HERC4: variants seen among roughly 807,000 people sequenced by gnomAD.
The protein encoded by HERC4 is probable E3 ubiquitin-protein ligase HERC4.
A neutral mutation model predicts 124.3 loss-of-function variants in HERC4; 28 were observed. That is an observed-to-expected ratio of 0.23 (90% CI 0.17 to 0.31). The LOEUF (loss-of-function observed/expected upper bound fraction) is 0.31, where lower values mean the gene tolerates loss of function less well. Ranked by LOEUF, HERC4 falls within the 10% of genes least tolerant of loss-of-function variation. The pLI is 1.00. For synonymous variants in HERC4, 407 were observed against 421.5 expected, an observed-to-expected ratio of 0.97 and a Z score of 0.42; for missense variants, 713 against 1,229.3, an observed-to-expected ratio of 0.58 and a Z score of 6.28.
At chr10:68,007,097 C>T (rs574396560) in intron 9 of HERC4, among the ~76,000 whole-genome samples, 11 of 152,136 alleles carry the variant, frequency 7.2e-5, no homozygotes, top group Non-Finnish European at 1.5e-4. Flanking sequence ...CTCTTTAAGG[C>T]CAGTAACCCT....
chr10:67,984,798 G>C (rs1034107589), intron 15 of HERC4, among the ~76,000 whole-genome samples: 4 of 152,138 alleles, frequency 2.6e-5, no homozygotes, highest in East Asian at 1.9e-4. Context: ...TGGCCAGGCT[G>C]GTCTTGAACT....
At chr10:67,939,343 A>G (rs1322644257) in intron 21 of HERC4, among the ~76,000 whole-genome samples, 2 of 152,208 alleles carry the variant, frequency 1.3e-5, no homozygotes, top group African/African-American at 4.8e-5. Context: ...TGACTCCCCA[A>G]GGTAATGACT....
At chr10:68,004,678 G>A (rs1280975796) in intron 9 of HERC4, among the ~76,000 whole-genome samples, 1 of 152,178 alleles carries the variant, frequency 6.6e-6, no homozygotes, top group East Asian at 1.9e-4. Context: ...AGCATAGCTG[G>A]GGTGGCCTCA....
intron 19 of HERC4, among the ~76,000 whole-genome samples, chr10:67,944,547 C>T (rs999876899): frequency 6.6e-6 from 1 of 152,190 alleles, no homozygotes; most frequent in Non-Finnish European, 1.5e-5. Context: ...TGCCCAGACA[C>T]CAATGAACAT....
intron 9 of HERC4, among the ~76,000 whole-genome samples, chr10:68,006,582 T>C (rs2037578718): frequency 6.6e-6 from 1 of 152,066 alleles, no homozygotes; most frequent in Non-Finnish European, 1.5e-5. Flanking sequence ...TTTGCCACGT[T>C]GGCCAGGCTA....
At chr10:67,986,328 T>C (rs1040454990) in intron 15 of HERC4, among the ~76,000 whole-genome samples, 4 of 152,340 alleles carry the variant, frequency 2.6e-5, no homozygotes, top group Admixed American at 2.6e-4. Context: ...CACTGTCTTA[T>C]GAATATATAA....
intron 3 of HERC4, chr10:68,068,897 A>G (rs1448146267): frequency 3.9e-6 from 1 of 254,008 alleles, no homozygotes; most frequent in Non-Finnish European, 6.2e-6. Flanking sequence ...AATGCGGACC[A>G]TGATACCTGC....
At chr10:67,978,398 A>G (rs970711280) in intron 15 of HERC4, among the ~76,000 whole-genome samples, 5 of 152,112 alleles carry the variant, frequency 3.3e-5, no homozygotes, top group Admixed American at 1.3e-4. Flanking sequence ...TGCAAAGGGG[A>G]GGGATGAGTG....
At chr10:67,972,245 G>A (rs1457521542) in intron 15 of HERC4, among the ~76,000 whole-genome samples, 4 of 145,726 alleles carry the variant, frequency 2.7e-5, no homozygotes, top group African/African-American at 1.0e-4. Flanking sequence ...AAAAAGGCCA[G>A]GCACGGTGGC....
intron 7 of HERC4, among the ~76,000 whole-genome samples, chr10:68,031,455 A>C (rs555570127): frequency 3.3e-5 from 5 of 152,324 alleles, no homozygotes; most frequent in African/African-American, 9.6e-5. Flanking sequence ...TGAATGCCAA[A>C]ATCAATAAAA....
intron 9 of HERC4, chr10:68,010,143 G>T: frequency 1.1e-6 from 1 of 877,666 alleles, no homozygotes; most frequent in South Asian, 1.4e-5. Context: ...CACAAACTCC[G>T]GGTTCTCTTT....
chr10:68,022,265 C>T (rs533364276), intron 8 of HERC4, among the ~76,000 whole-genome samples: 121 of 152,130 alleles, frequency 8.0e-4, no homozygotes, highest in African/African-American at 2.7e-3. Context: ...TTTGGGAGGC[C>T]GAGGTGGGCG....
intron 4 of HERC4, among the ~76,000 whole-genome samples, chr10:68,042,579 T>A (rs995333745): frequency 6.6e-6 from 1 of 152,164 alleles, no homozygotes; most frequent in East Asian, 1.9e-4. Context: ...GCTGTGAGCA[T>A]GCCACTGCAC....
chr10:67,952,185 A>G (rs1014895806), intron 19 of HERC4, among the ~76,000 whole-genome samples: 1 of 152,198 alleles, frequency 6.6e-6, no homozygotes, highest in Non-Finnish European at 1.5e-5. Flanking sequence ...ATCCCTCACT[A>G]TAATAACTCC....
chr10:68,060,315 G>A (rs2040938544), intron 3 of HERC4, among the ~76,000 whole-genome samples: 1 of 152,054 alleles, frequency 6.6e-6, no homozygotes, highest in African/African-American at 2.4e-5. Context: ...TCAATTCACT[G>A]CAACCTCTGC....
intron 3 of HERC4, among the ~76,000 whole-genome samples, chr10:68,047,200 GAA>G (rs34624828): frequency 1.1e-3 from 155 of 143,164 alleles, no homozygotes; most frequent in African/African-American, 1.3e-3. Flanking sequence ...ACTTCTTAGG[GAA>G]AAAAAAAAAA....
intron 3 of HERC4, among the ~76,000 whole-genome samples, chr10:68,044,790 T>C (rs2039936804): frequency 6.6e-6 from 1 of 151,998 alleles, no homozygotes; most frequent in Non-Finnish European, 1.5e-5. Flanking sequence ...GATAAATATA[T>C]CATAGGGCAT....
chr10:68,010,441 C>T, intron 9 of HERC4: 1 of 938,972 alleles, frequency 1.1e-6, no homozygotes, highest in Non-Finnish European at 1.7e-6. Flanking sequence ...GATTGCTTGC[C>T]CTTCTGGCGC....
intron 22 of HERC4, among the ~76,000 whole-genome samples, chr10:67,933,515 T>C (rs750662252): frequency 6.6e-6 from 1 of 152,194 alleles, no homozygotes; most frequent in Non-Finnish European, 1.5e-5. Context: ...TGAGAATGGA[T>C]ACTAGAAGAT....
Sources: gnomAD v4.1 joint callset for allele counts (sites outside exome capture counted in the v4.1 genomes callset) on GRCh38, gnomAD v4.1.1 for gene constraint, MANE v1.5 for transcripts, NCBI Gene and HGNC (gene_info 2026-07-23, HGNC 2026-07-21) for gene names.